KCNT1: variants seen among roughly 807,000 people sequenced by gnomAD.
The protein encoded by KCNT1 is potassium sodium-activated channel subfamily T member 1.
In KCNT1, 78 loss-of-function variants were observed where a neutral mutation model predicts 147.8. The observed-to-expected ratio is 0.53, with a 90% confidence interval of 0.44 to 0.64. The LOEUF is 0.64. Among genes scored for constraint, KCNT1 ranks in the 30% least tolerant of loss-of-function variants. KCNT1 has a pLI of 0.00. For synonymous variants in KCNT1, 867 were observed against 748.8 expected, an observed-to-expected ratio of 1.16 and a Z score of -2.58; for missense variants, 1,419 against 1,750.3, an observed-to-expected ratio of 0.81 and a Z score of 3.38.
chr9:135,778,313 G>A (rs944068504), intron 21 of KCNT1, 111 bp from the exon 22 acceptor site: 6 of 949,600 alleles, frequency 6.3e-6, no homozygotes, highest in Non-Finnish European at 9.6e-6. Context: ...CTGCGGTTCT[G>A]GGGAACCCCT....
intron 6 of KCNT1, 124 bp from the exon 7 acceptor site, chr9:135,756,749 G>A (rs574971967): frequency 2.6e-4 from 215 of 819,038 alleles, no homozygotes; most frequent in Non-Finnish European, 4.0e-4. Flanking sequence ...ATGGGAGTGA[G>A]GGTCAAGGCA....
intron 9 of KCNT1, 89 bp downstream of exon 9, chr9:135,757,470 C>A: frequency 1.7e-6 from 2 of 1,191,936 alleles, no homozygotes; most frequent in Non-Finnish European, 2.4e-6. Flanking sequence ...CGTAGCCTGC[C>A]ACGCCCCGGC....
intron 12 of KCNT1, 131 bp from the exon 13 acceptor site, chr9:135,765,493 C>T: frequency 1.8e-6 from 2 of 1,083,320 alleles, no homozygotes; most frequent in African/African-American, 3.2e-5. Flanking sequence ...TCTTTTCCCT[C>T]CCACCAGATG....
chr9:135,772,881 C>T lies in KCNT1; in HGVS notation c.2175C>T (p.Cys725=), dbSNP rs368450848. ...ELADSSALLP[C]DLLSDQSEDE... is the part of the protein sequence containing the mutation. ...CCGACAGCTCAGCCCTGCTGCCCTG[C>T]GACCTGCTGAGCGACCAGTCGGAGG... Residue 725 remains cysteine (C), a synonymous_variant, in exon 19 of 31, where the codon TGC becomes TGT. Transcript: ENST00000371757. 1.9e-5 allele frequency: 29 copies of T among 1,558,560 alleles called. No homozygotes were observed. Among genetic ancestry groups the T allele is most frequent in the South Asian group, 1.4e-4 (12 of 84,738 alleles).
At chr9:135,717,823 C>A (rs1198988605) in intron 2 of KCNT1, among the ~76,000 whole-genome samples, 1 of 152,250 alleles carries the variant, frequency 6.6e-6, no homozygotes, top group Non-Finnish European at 1.5e-5. Context: ...GGGAGCCTGG[C>A]CTGAAGGGTT....
intron 29 of KCNT1, among the ~76,000 whole-genome samples, chr9:135,786,828 C>T (rs955899910): frequency 3.3e-5 from 5 of 152,256 alleles, no homozygotes; most frequent in Non-Finnish European, 7.3e-5. Context: ...CTCGCTTCCA[C>T]TGCTCTGGGG....
At chr9:135,778,852 A>C in intron 23 of KCNT1, 30 bp downstream of exon 23, 1 of 1,593,058 alleles carries the variant, frequency 6.3e-7, no homozygotes, top group Non-Finnish European at 8.5e-7. Context: ...CTCGGCTCTA[A>C]ACCACCCCAC....
intron 20 of KCNT1, among the ~76,000 whole-genome samples, chr9:135,776,728 C>T (rs1833196085): frequency 6.6e-6 from 1 of 152,266 alleles, no homozygotes. Flanking sequence ...GCAGTAGCAT[C>T]ATCCTTGACA....
intron 20 of KCNT1, among the ~76,000 whole-genome samples, chr9:135,775,648 T>A (rs1180845438): frequency 6.6e-6 from 1 of 152,234 alleles, no homozygotes; most frequent in Non-Finnish European, 1.5e-5. Context: ...TAGAGGCACC[T>A]GTTTTCTGAG....
At chr9:135,781,802 G>A (rs890000326) in intron 24 of KCNT1, among the ~76,000 whole-genome samples, 1 of 152,206 alleles carries the variant, frequency 6.6e-6, no homozygotes, top group Non-Finnish European at 1.5e-5. Flanking sequence ...GAGATGCTCT[G>A]CCAGGTGCAG....
At chr9:135,710,820 C>T (rs996189478) in intron 1 of KCNT1, among the ~76,000 whole-genome samples, 1 of 152,190 alleles carries the variant, frequency 6.6e-6, no homozygotes, top group Non-Finnish European at 1.5e-5. Context: ...TGATTGGCGG[C>T]GATTCCCTTT....
At chr9:135,713,216 C>T (rs576825175) in intron 1 of KCNT1, among the ~76,000 whole-genome samples, 2 of 152,358 alleles carry the variant, frequency 1.3e-5, no homozygotes, top group African/African-American at 4.8e-5. Flanking sequence ...CCCCTGGCCA[C>T]GTGGTTCCCC....
At chr9:135,751,116 C>T (rs1275760182) in intron 4 of KCNT1, 75 bp downstream of exon 4, 5 of 1,359,846 alleles carry the variant, frequency 3.7e-6, no homozygotes, top group African/African-American at 2.9e-5. Context: ...GTTACAGAAG[C>T]TGATGGCGTC....
chr9:135,705,435 G>A (rs1253519192), intron 1 of KCNT1, among the ~76,000 whole-genome samples: 1 of 152,264 alleles, frequency 6.6e-6, no homozygotes, highest in Non-Finnish European at 1.5e-5. Context: ...GTGAACCTGG[G>A]CGCTCCGTGA....
intron 1 of KCNT1, among the ~76,000 whole-genome samples, chr9:135,711,748 C>T (rs1835499864): frequency 6.6e-6 from 1 of 152,212 alleles, no homozygotes; most frequent in South Asian, 2.1e-4. Context: ...CAAGCCTGAG[C>T]TCTCTGATGG....
At chr9:135,720,048 C>T (rs1342735849) in intron 2 of KCNT1, among the ~76,000 whole-genome samples, 4 of 152,132 alleles carry the variant, frequency 2.6e-5, no homozygotes, top group Non-Finnish European at 5.9e-5. Context: ...GGGCAGCGGG[C>T]CTGCGTGGAG....
Position 135,777,418 on chromosome 9 carries a change from C to T in KCNT1, c.2430C>T (p.Ala810=), listed in dbSNP as rs139114208. ...NKLIIVSAET[A]GNGLYNFIVP... Reference sequence around the variant, plus strand: ...TGATCATCGTCTCGGCAGAGACGGCCGGCAATGGGCTGTACAACTTCATCG... The same window carrying T: ...TGATCATCGTCTCGGCAGAGACGGCTGGCAATGGGCTGTACAACTTCATCG... The change falls in exon 21 of 31, where the codon GCC becomes GCT. Residue 810 remains alanine, a synonymous_variant. Coordinates refer to ENST00000371757, the MANE Select transcript of KCNT1 (RefSeq NM_020822.3). 1.5e-3 allele frequency: 2,426 copies of T among 1,613,588 alleles called. 18 individuals are homozygous for T. The highest frequency in any genetic ancestry group is 1.1e-3 in the Non-Finnish European group (1,346 of 1,179,552).
intron 19 of KCNT1, among the ~76,000 whole-genome samples, chr9:135,774,574 G>A (rs1200089282): frequency 6.6e-6 from 1 of 151,500 alleles, no homozygotes; most frequent in Non-Finnish European, 1.5e-5. Flanking sequence ...GTGTGTCTGT[G>A]TGTTGTGTGT....
At chr9:135,749,118 C>T (rs911827264) in intron 2 of KCNT1, among the ~76,000 whole-genome samples, 1 of 152,240 alleles carries the variant, frequency 6.6e-6, no homozygotes, top group East Asian at 1.9e-4. Context: ...TGGAGTTTTC[C>T]TCTCAGGGGA....
Sources: allele counts gnomAD v4.1 joint callset (sites outside exome capture counted in the v4.1 genomes callset), GRCh38; gene constraint gnomAD v4.1.1; transcripts MANE v1.5; gene names NCBI Gene and HGNC (gene_info 2026-07-23, HGNC 2026-07-21).